Variants in SLC35F5 observed in about 807,000 individuals in gnomAD.
The protein encoded by SLC35F5 is solute carrier family 35 member F5.
Under a neutral mutation model 68.6 loss-of-function variants are expected in SLC35F5, and 54 were observed. The ratio of observed to expected loss-of-function variants is 0.79; its 90% confidence interval spans 0.63 to 0.99. SLC35F5 has a LOEUF of 0.99. Ranked by LOEUF, SLC35F5 falls within the 50% of genes least tolerant of loss-of-function variation. The pLI is 0.00. For missense variants in SLC35F5, 567 were observed against 626.9 expected (o/e 0.90, Z 1.02); for synonymous variants, 211 against 205.2 (o/e 1.03, Z -0.24).
At chr2:113,745,042 C>A (rs1676433682) in intron 5 of SLC35F5, among the ~76,000 whole-genome samples, 2 of 152,026 alleles carry the variant, frequency 1.3e-5, no homozygotes, top group Non-Finnish European at 2.9e-5. Flanking sequence ...AAAAAAAATT[C>A]AGTAAATGAA....
rs1333978839 is a variant in SLC35F5 at position 113,718,928 on chromosome 2, A to G, written c.1496+226T>C. On this transcript the variant is annotated intron_variant, in intron 14 of 15. Transcript: ENST00000245680. ...AAGAAAGAAAGAAAGAAAGAAAGAA[A>G]AAGAAAGGAAGAAAGGAAGGAAGGA... Among the ~76,000 whole-genome samples the G allele has an allele frequency of 4.2e-3, 179 of 42,500 alleles. 2 individuals are homozygous for G. The highest frequency in any genetic ancestry group is 0.011 in the African/African-American group (158 of 14,452). The allele number at this position is 42,500 out of a possible 152,430, so 27.9% of individuals were successfully genotyped here.
rs1351691823 is a variant in SLC35F5, at chr2:113,712,540, C to T, written c.*2678G>A. On this transcript the variant is annotated 3_prime_UTR_variant, in exon 16 of 16. Transcript: ENST00000245680. ...CTGTGTTAACCAGGATGGTCTCGAT[C>T]TCCTGACCTCGTGATCCGCCCGCCT... is the stretch of plus-strand genomic sequence containing the variant. Among the ~76,000 whole-genome samples the T allele has an allele frequency of 2.6e-5, 4 of 152,166 alleles. No individual in the cohort carries two copies. Among genetic ancestry groups the T allele is most frequent in the Admixed American group, 6.5e-5 (1 of 15,282 alleles).
intron 12 of SLC35F5, among the ~76,000 whole-genome samples, chr2:113,723,546 G>C (rs1302040703): frequency 6.6e-6 from 1 of 152,056 alleles, no homozygotes; most frequent in East Asian, 1.9e-4. Flanking sequence ...AGATAACAAA[G>C]AAAACAGCAT....
At chr2:113,752,648 T>G (rs1676790412) in intron 3 of SLC35F5, among the ~76,000 whole-genome samples, 1 of 152,002 alleles carries the variant, frequency 6.6e-6, no homozygotes. Context: ...ACCCAGTTTC[T>G]CCAACAAATT....
At chr2:113,729,231 G>A (rs1168222576) in intron 11 of SLC35F5, among the ~76,000 whole-genome samples, 170 bp downstream of exon 11, 2 of 152,168 alleles carry the variant, frequency 1.3e-5, no homozygotes, top group Admixed American at 6.5e-5. Flanking sequence ...GCACAACTAT[G>A]CAGGATAAAG....
In SLC35F5 at chr2:113,721,706, CT is replaced by C. The variant is rs769104474; in HGVS notation, c.1341+1397del. ...TTTGGTTCATATTCAGGATTATGACCTGAAGATGAAGAAGGGCCTAGATATT... is the reference window on the plus strand; with the variant it reads ...TTTGGTTCATATTCAGGATTATGACCGAAGATGAAGAAGGGCCTAGATATT... On this transcript the variant is annotated intron_variant, in intron 13 of 15. Transcript: ENST00000245680. Among the ~76,000 whole-genome samples the C allele has an allele frequency of 2.1e-4, 32 of 152,066 alleles. 1 individual carries two copies. In the East Asian group the frequency reaches 6.0e-3, roughly 29 times the overall value.
intron 7 of SLC35F5, among the ~76,000 whole-genome samples, chr2:113,736,225 C>G (rs866988724): frequency 6.6e-6 from 1 of 150,782 alleles, no homozygotes; most frequent in African/African-American, 2.4e-5. Context: ...GGGTGGATTG[C>G]TTGAGCCCAG....
intron 7 of SLC35F5, among the ~76,000 whole-genome samples, chr2:113,737,950 T>C (rs1688152239): frequency 6.6e-6 from 1 of 151,572 alleles, no homozygotes; most frequent in African/African-American, 2.4e-5. Context: ...AGTAATTCAT[T>C]TTTAAATTGT....
chr2:113,754,822 T>A (rs1676899822), intron 3 of SLC35F5, among the ~76,000 whole-genome samples: 1 of 152,212 alleles, frequency 6.6e-6, no homozygotes, highest in Admixed American at 6.5e-5. Context: ...ATGGTGACAT[T>A]GTTTTGCATC....
intron 4 of SLC35F5, among the ~76,000 whole-genome samples, chr2:113,747,345 C>T (rs186745534): frequency 2.0e-5 from 3 of 151,824 alleles, no homozygotes; most frequent in African/African-American, 4.8e-5. Context: ...AGAATCACTG[C>T]GCTAATGCTA....
In SLC35F5 at chr2:113,711,134, C is replaced by T. The variant is rs1371364097; in HGVS notation, c.*4084G>A. On this transcript the variant is annotated 3_prime_UTR_variant, in exon 16 of 16. Transcript: ENST00000245680. ...TGGTGTCTTCATCTAGGTGCTTCTC[C>T]ATCAAAATCCCTAGCTCAAAAATAA... 6.6e-6 allele frequency among the ~76,000 whole-genome samples: 1 copy of T among 152,102 alleles called. No homozygotes were observed.
chr2:113,742,466 A>C (rs1676314687), intron 7 of SLC35F5: 1 of 556,686 alleles, frequency 1.8e-6, no homozygotes, highest in African/African-American at 1.9e-5. Context: ...GTATATATGT[A>C]AATAGCTGAA....
In SLC35F5 at chr2:113,707,154, T is replaced by C. The variant is rs1308340881; in HGVS notation, c.*8064A>G. ...GCATTAAATTACACCAAGAAAAACA[T>C]TTCTAAAACATTGTTTCCATAACTC... On this transcript the variant is annotated 3_prime_UTR_variant, in exon 16 of 16. Transcript: ENST00000245680. Among the ~76,000 whole-genome samples the C allele has an allele frequency of 4.0e-5, 6 of 151,326 alleles. No homozygotes were observed. The highest frequency in any genetic ancestry group is 1.5e-4 in the African/African-American group (6 of 41,254).
rs1437775229 is a variant in SLC35F5 at position 113,713,745 on chromosome 2, T to C, written c.*1473A>G. On this transcript the variant is annotated 3_prime_UTR_variant, in exon 16 of 16. Coordinates refer to ENST00000245680, the MANE Select transcript of SLC35F5 (RefSeq NM_025181.5). ...GCTGTTTTTGCCACTTTGGGCTGGA[T>C]GATTAAAAAAAAAAAAAAAAAAAAA... 4 of 115,122 alleles carry C rather than the reference T, an allele frequency of 3.5e-5. No homozygotes were observed. Among genetic ancestry groups the C allele is most frequent in the African/African-American group, 1.3e-4 (4 of 30,268 alleles). 7.1% of individuals were successfully genotyped at this position (115,122 alleles called of 1,614,324 possible).
intron 5 of SLC35F5, among the ~76,000 whole-genome samples, chr2:113,744,655 G>A (rs984838039): frequency 6.6e-6 from 1 of 152,146 alleles, no homozygotes; most frequent in African/African-American, 2.4e-5. Context: ...TGAGGTGGAG[G>A]TAGGCAAATT....
In SLC35F5 at chr2:113,723,117, A is replaced by G. The variant is rs1218234940; in HGVS notation, c.1328T>C (p.Met443Thr). The G allele has an allele frequency of 6.4e-7, 1 of 1,561,044 alleles. No individual in the cohort carries two copies. The highest frequency in any genetic ancestry group is 1.3e-5 in the South Asian group (1 of 78,660). Residue 443 changes from methionine (M) to threonine (T), a missense_variant, in exon 13 of 16, where the codon ATG becomes ACG. Met to Thr is a moderately conservative substitution (Grantham distance 81). Coordinates refer to ENST00000245680, the MANE Select transcript of SLC35F5 (RefSeq NM_025181.5). The stretch of plus-strand genomic sequence containing the variant: ...TAGTTTCCTTACCTTTTGCATACAC[A>G]TGTCAGCTATTATGGACAGAGGTAT... ...LTIPLSIIAD[M>T]CMQKVQFSWL...
intron 14 of SLC35F5, among the ~76,000 whole-genome samples, chr2:113,718,614 G>A (rs566790560): frequency 2.5e-4 from 38 of 152,128 alleles, no homozygotes; most frequent in African/African-American, 8.2e-4. Flanking sequence ...TGGCCAACAC[G>A]GTGAAACCTG....
chr2:113,716,299 C>G (rs1687179764), intron 15 of SLC35F5, among the ~76,000 whole-genome samples: 1 of 152,198 alleles, frequency 6.6e-6, no homozygotes, highest in African/African-American at 2.4e-5. Flanking sequence ...CACAGTTGGC[C>G]AAGTGCCTTT....
At chr2:113,756,330 T>A in intron 1 of SLC35F5, 40 bp downstream of exon 1, 1 of 1,558,198 alleles carries the variant, frequency 6.4e-7, no homozygotes, top group Non-Finnish European at 8.7e-7. Context: ...CGTCCCGGTT[T>A]GGGCTCCGGT....
Sources: allele counts gnomAD v4.1 joint callset (sites outside exome capture counted in the v4.1 genomes callset), GRCh38; gene constraint gnomAD v4.1.1; transcripts MANE v1.5; gene names NCBI Gene and HGNC (gene_info 2026-07-23, HGNC 2026-07-21).